Variants in SBF2 observed in about 807,000 individuals in gnomAD.
SBF2 encodes the protein SET binding factor 2.
In SBF2, 112 loss-of-function variants were observed where a neutral mutation model predicts 225.2. That is an observed-to-expected ratio of 0.50 (90% CI 0.43 to 0.58). SBF2 has a LOEUF of 0.58. SBF2 is among the 20% of genes least tolerant of loss of function. SBF2 has a pLI of 0.00. For synonymous variants in SBF2, 763 were observed against 773.3 expected, an observed-to-expected ratio of 0.99 and a Z score of 0.22; for missense variants, 1,996 against 2,206.2, an observed-to-expected ratio of 0.90 and a Z score of 1.91.
chr11:9,780,991 C>A (rs770620683), intron 39 of SBF2, among the ~76,000 whole-genome samples: 92 of 152,206 alleles, frequency 6.0e-4, no homozygotes, highest in Non-Finnish European at 7.9e-4. Flanking sequence ...TGAGCAGGGC[C>A]ATAGAGGATG....
At chr11:9,815,501 C>G (rs867530910) in intron 29 of SBF2, among the ~76,000 whole-genome samples, 7 of 151,258 alleles carry the variant, frequency 4.6e-5, no homozygotes, top group Non-Finnish European at 8.8e-5. Flanking sequence ...GAAGGGCAGA[C>G]AGAAAGAAAA....
At chr11:9,843,154 G>T (rs1305313665) in intron 24 of SBF2, among the ~76,000 whole-genome samples, 1 of 152,110 alleles carries the variant, frequency 6.6e-6, no homozygotes, top group African/African-American at 2.4e-5. Flanking sequence ...CTCCTACATG[G>T]AAAGCCAGCC....
chr11:9,854,695 T>G lies in SBF2; in HGVS notation c.2364-983A>C, dbSNP rs578040056. ...GGCTCAAGAAATCCTCCTGCAGCAG[T>G]GATTCTCCAGCCTCAGCCTCTCAAG... On this transcript the variant is annotated intron_variant, in intron 19 of 39. Coordinates refer to ENST00000256190, the MANE Select transcript of SBF2 (RefSeq NM_030962.4). 1.2e-4 allele frequency among the ~76,000 whole-genome samples: 18 copies of G among 152,264 alleles called. No individual in the cohort carries two copies. In the South Asian group the frequency reaches 3.7e-3, roughly 32 times the overall value.
intron 2 of SBF2, among the ~76,000 whole-genome samples, chr11:10,132,772 T>C (rs889647161): frequency 1.3e-5 from 2 of 149,046 alleles, no homozygotes; most frequent in African/African-American, 5.0e-5. Flanking sequence ...TGTTCTGTTA[T>C]CTGGCCCCAC....
chr11:9,878,423 T>G (rs1416603897), intron 17 of SBF2, among the ~76,000 whole-genome samples: 2 of 152,228 alleles, frequency 1.3e-5, no homozygotes, highest in Non-Finnish European at 1.5e-5. Flanking sequence ...CTATTTTGGC[T>G]TTTGTTGCCA....
chr11:10,133,216 C>T (rs929329235), intron 2 of SBF2, among the ~76,000 whole-genome samples: 4 of 149,610 alleles, frequency 2.7e-5, no homozygotes, highest in Non-Finnish European at 4.4e-5. Context: ...ACATCCCCAT[C>T]AGACTCAGGA....
intron 13 of SBF2, among the ~76,000 whole-genome samples, chr11:9,980,668 G>T (rs1946915502): frequency 6.6e-6 from 1 of 151,476 alleles, no homozygotes; most frequent in Non-Finnish European, 1.5e-5. Context: ...CTTACTGCAA[G>T]CTCCGGTTCA....
Position 9,852,852 on chromosome 11 carries a change from C to T in SBF2, c.2537-103G>A, listed in dbSNP as rs935518507. On this transcript the variant is annotated intron_variant, in intron 20 of 39. Transcript: ENST00000256190. ...AAAAGTTAATTACAGTTTACTGGTT[C>T]CTCAAAAAAGTTAAAGAGAATTACC... The T allele has an allele frequency of 4.3e-6, 4 of 923,968 alleles. No individual in the cohort carries two copies. In the East Asian group the frequency reaches 9.8e-5, roughly 23 times the overall value. The allele number at this position is 923,968 out of a possible 1,614,324, so 57.2% of individuals were successfully genotyped here.
intron 6 of SBF2, among the ~76,000 whole-genome samples, chr11:10,025,524 C>T (rs1352546216): frequency 6.6e-6 from 1 of 152,140 alleles, no homozygotes; most frequent in Non-Finnish European, 1.5e-5. Flanking sequence ...AAATGTCTGG[C>T]TCACTTCATT....
At chr11:10,159,098 T>G (rs1463391351) in intron 2 of SBF2, among the ~76,000 whole-genome samples, 1 of 152,236 alleles carries the variant, frequency 6.6e-6, no homozygotes, top group African/African-American at 2.4e-5. Context: ...CAAGCAATTA[T>G]GAAACCACCT....
chr11:10,133,817 G>A (rs551450629), intron 2 of SBF2, among the ~76,000 whole-genome samples: 1 of 152,290 alleles, frequency 6.6e-6, no homozygotes, highest in East Asian at 1.9e-4. Flanking sequence ...GGCAGGGGAG[G>A]TGCCGAGAGC....
chr11:9,950,932 T>C (rs10840331), intron 16 of SBF2, among the ~76,000 whole-genome samples: 77,916 of 152,056 alleles, frequency 0.51, 20,480 homozygotes, highest in Admixed American at 0.61. Context: ...ATGGGAAATA[T>C]ACATGTCAAC....
rs559433431 is a variant in SBF2, at chr11:9,900,740, A to T, written c.1861-4729T>A. On this transcript the variant is annotated intron_variant, in intron 16 of 39. Coordinates refer to ENST00000256190, the MANE Select transcript of SBF2 (RefSeq NM_030962.4). ...TATAACAAAAAGATCATTTAAAAAAATTTTTTTTAAATGTTCTTAGACAGG... is the reference window on the plus strand; with the variant it reads ...TATAACAAAAAGATCATTTAAAAAATTTTTTTTTAAATGTTCTTAGACAGG... 3.4e-3 allele frequency among the ~76,000 whole-genome samples: 521 copies of T among 152,140 alleles called. 2 individuals are homozygous for T. Among genetic ancestry groups the T allele is most frequent in the South Asian group, 1.0e-2 (48 of 4,810 alleles).
chr11:10,096,657 T>C (rs150112817), intron 2 of SBF2, among the ~76,000 whole-genome samples: 198 of 152,208 alleles, frequency 1.3e-3, no homozygotes, highest in Middle Eastern at 6.8e-3. Flanking sequence ...ATTCACAAAA[T>C]CTCATACAAG....
intron 3 of SBF2, among the ~76,000 whole-genome samples, chr11:10,033,115 C>A (rs1214480046): frequency 1.3e-5 from 2 of 152,214 alleles, no homozygotes; most frequent in East Asian, 3.9e-4. Context: ...TTTCTGGAAT[C>A]CTTAGAAATA....
chr11:9,920,410 G>A (rs577414527), intron 16 of SBF2, among the ~76,000 whole-genome samples: 1 of 152,196 alleles, frequency 6.6e-6, no homozygotes, highest in East Asian at 1.9e-4. Flanking sequence ...TGTAGTTTAT[G>A]AGACCTGATC....
chr11:9,807,113 AT>A (rs891364237), intron 32 of SBF2, among the ~76,000 whole-genome samples: 1 of 152,312 alleles, frequency 6.6e-6, no homozygotes, highest in Non-Finnish European at 1.5e-5. Context: ...ATTCCCACAA[AT>A]GTTTGACATG....
chr11:10,173,449 C>T (rs574771162), intron 2 of SBF2, among the ~76,000 whole-genome samples: 13 of 152,340 alleles, frequency 8.5e-5, no homozygotes, highest in Non-Finnish European at 1.9e-4. Flanking sequence ...TGCGCTTTTC[C>T]GACAGGCTTA....
chr11:10,029,481 C>T (rs1207139959), intron 5 of SBF2, among the ~76,000 whole-genome samples: 37 of 151,862 alleles, frequency 2.4e-4, no homozygotes, highest in Admixed American at 2.4e-3. Context: ...AATATATTTC[C>T]AAGAAAATAC....
Sources: allele counts gnomAD v4.1 joint callset (sites outside exome capture counted in the v4.1 genomes callset), GRCh38; gene constraint gnomAD v4.1.1; transcripts MANE v1.5; gene names NCBI Gene and HGNC (gene_info 2026-07-23, HGNC 2026-07-21).